The following DLG2 variants were observed in gnomAD, a reference collection of about 807,000 sequenced individuals.
The protein encoded by DLG2 is discs large MAGUK scaffold protein 2, also known as disks large homolog 2.
A neutral mutation model predicts 132.5 loss-of-function variants in DLG2; 45 were observed. The ratio of observed to expected loss-of-function variants is 0.34; its 90% CI spans 0.27 to 0.44. The LOEUF is 0.44. Among genes scored for constraint, DLG2 ranks in the 20% least tolerant of loss-of-function variants. DLG2 has a pLI of 1.00. For synonymous variants in DLG2, 424 were observed against 419.6 expected (o/e 1.01, Z -0.13); for missense variants, 1,045 against 1,196.9 (o/e 0.87, Z 1.87).
At chr11:84,849,911 T>C (rs1002794113) in intron 6 of DLG2, among the ~76,000 whole-genome samples, 1 of 152,154 alleles carries the variant, frequency 6.6e-6, no homozygotes, top group Non-Finnish European at 1.5e-5. Flanking sequence ...ATTGAGAGAA[T>C]GATTTAATTA....
At chr11:84,053,432 A>G (rs1690262475) in intron 11 of DLG2, among the ~76,000 whole-genome samples, 2 of 151,980 alleles carry the variant, frequency 1.3e-5, no homozygotes, top group Non-Finnish European at 2.9e-5. Flanking sequence ...AACTTAAATT[A>G]AAAGTTGAAG....
chr11:84,237,128 C>T (rs1272528574), intron 8 of DLG2, among the ~76,000 whole-genome samples: 1 of 152,032 alleles, frequency 6.6e-6, no homozygotes, highest in African/African-American at 2.4e-5. Context: ...CGGGGTTTCA[C>T]TGTGTTGTCC....
chr11:83,489,628 C>A (rs1211386869), intron 21 of DLG2, among the ~76,000 whole-genome samples: 1 of 151,896 alleles, frequency 6.6e-6, no homozygotes, highest in Non-Finnish European at 1.5e-5. Flanking sequence ...TGCCATATTG[C>A]AATATTAAGA....
At chr11:84,304,997 C>G (rs954886682) in intron 7 of DLG2, among the ~76,000 whole-genome samples, 2 of 152,202 alleles carry the variant, frequency 1.3e-5, no homozygotes, top group East Asian at 3.9e-4. Flanking sequence ...ATACAACTGA[C>G]TACACATATT....
intron 6 of DLG2, among the ~76,000 whole-genome samples, chr11:84,938,861 T>G (rs760255101): frequency 1.5e-4 from 23 of 152,164 alleles, no homozygotes; most frequent in Admixed American, 9.8e-4. Context: ...ATCTAAAATA[T>G]AGATAAATTA....
chr11:84,421,654 T>G (rs2098951252), intron 7 of DLG2, among the ~76,000 whole-genome samples: 1 of 152,174 alleles, frequency 6.6e-6, no homozygotes, highest in Non-Finnish European at 1.5e-5. Context: ...ACACTGTTAT[T>G]CCATCCTCCA....
chr11:83,561,642 A>G (rs2096611102), intron 19 of DLG2, among the ~76,000 whole-genome samples: 1 of 152,200 alleles, frequency 6.6e-6, no homozygotes, highest in South Asian at 2.1e-4. Context: ...AGAGTTGTTG[A>G]CAAAGCACCT....
rs78196270 is a variant in DLG2 at position 83,959,320 on chromosome 11, T to C, written c.1340+3565A>G. Among the ~76,000 whole-genome samples, 361 of 152,200 alleles carry C rather than the reference T, an allele frequency of 2.4e-3. 2 individuals carry two copies. Among genetic ancestry groups the C allele is most frequent in the African/African-American group, 8.5e-3 (354 of 41,554 alleles). ...CAAACGTGACTATAAATCAGGAAAGTAGAGAAACATTTATTACAATAGATT... is the reference window on the plus strand; with the variant it reads ...CAAACGTGACTATAAATCAGGAAAGCAGAGAAACATTTATTACAATAGATT... On this transcript the variant is annotated intron_variant, in intron 14 of 27. Transcript: ENST00000376104.
intron 6 of DLG2, among the ~76,000 whole-genome samples, chr11:84,672,631 C>G (rs1051589217): frequency 1.3e-5 from 2 of 152,058 alleles, no homozygotes; most frequent in African/African-American, 4.8e-5. Context: ...GACAGGACTT[C>G]TAGAAAAGCG....
At chr11:85,267,749 TTC>T (rs1181635098) in intron 4 of DLG2, among the ~76,000 whole-genome samples, 1 of 152,218 alleles carries the variant, frequency 6.6e-6, no homozygotes, top group Non-Finnish European at 1.5e-5. Context: ...ATATACATAA[TTC>T]TTTTTTCTTA....
At chr11:84,896,607 A>G (rs2090218042) in intron 6 of DLG2, among the ~76,000 whole-genome samples, 1 of 152,092 alleles carries the variant, frequency 6.6e-6, no homozygotes. Context: ...TGTATGATGC[A>G]TATGAAAACA....
chr11:85,168,874 G>T (rs2078646810), intron 4 of DLG2, among the ~76,000 whole-genome samples: 1 of 151,974 alleles, frequency 6.6e-6, no homozygotes, highest in Admixed American at 6.6e-5. Context: ...CTACTATGCA[G>T]GTATGCAAAT....
intron 4 of DLG2, among the ~76,000 whole-genome samples, chr11:85,250,876 C>T (rs2076365001): frequency 6.6e-6 from 1 of 152,092 alleles, no homozygotes; most frequent in Admixed American, 6.6e-5. Flanking sequence ...TATATTTTAA[C>T]TACAAATGTT....
chr11:84,887,913 T>C lies in DLG2; in HGVS notation c.357+223748A>G, dbSNP rs147695699. ...ATCTGCTGTAACTAGTATCCACAAT[T>C]ACCCAGCTGCATTTAACTAATTTAA... On this transcript the variant is annotated intron_variant, in intron 6 of 27. Coordinates refer to ENST00000376104, the MANE Select transcript of DLG2 (RefSeq NM_001142699.3). Among the ~76,000 whole-genome samples the C allele has an allele frequency of 4.1e-3, 620 of 152,250 alleles. 5 individuals carry two copies. Among genetic ancestry groups the C allele is most frequent in the African/African-American group, 0.015 (607 of 41,554 alleles).
intron 7 of DLG2, among the ~76,000 whole-genome samples, chr11:84,378,894 C>A (rs2098739669): frequency 6.6e-6 from 1 of 151,756 alleles, no homozygotes; most frequent in Non-Finnish European, 1.5e-5. Context: ...TGCAGTGAAC[C>A]AAGATCGCGC....
intron 6 of DLG2, among the ~76,000 whole-genome samples, chr11:85,074,850 T>C (rs987171157): frequency 1.3e-5 from 2 of 151,858 alleles, no homozygotes; most frequent in South Asian, 2.1e-4. Context: ...TTGAATTTGA[T>C]TAATAAATGG....
At chr11:83,669,400 C>T (rs1371217519) in intron 18 of DLG2, among the ~76,000 whole-genome samples, 2 of 152,148 alleles carry the variant, frequency 1.3e-5, no homozygotes, top group Non-Finnish European at 2.9e-5. Context: ...ACTCCATCTT[C>T]ATGAATACAT....
At chr11:84,875,407 A>G (rs1312688089) in intron 6 of DLG2, among the ~76,000 whole-genome samples, 1 of 152,080 alleles carries the variant, frequency 6.6e-6, no homozygotes, top group African/African-American at 2.4e-5. Context: ...TGAGGCCCTC[A>G]TCTACAAGGA....
intron 6 of DLG2, among the ~76,000 whole-genome samples, chr11:84,704,282 T>C (rs930992916): frequency 1.5e-4 from 23 of 151,558 alleles, no homozygotes; most frequent in African/African-American, 5.6e-4. Context: ...ATAAGGAGTC[T>C]AAATCTGAGT....
Sources: allele counts gnomAD v4.1 joint callset (sites outside exome capture counted in the v4.1 genomes callset), GRCh38; gene constraint gnomAD v4.1.1; transcripts MANE v1.5; gene names NCBI Gene and HGNC (gene_info 2026-07-23, HGNC 2026-07-21).